Variants in PJVK observed in about 807,000 individuals in gnomAD.
PJVK encodes autosomal recessive deafness type 59 protein.
In PJVK, 33 loss-of-function variants were observed where a neutral mutation model predicts 37.6. The observed-to-expected ratio is 0.88, with a 90% CI of 0.67 to 1.17. The LOEUF (loss-of-function observed/expected upper bound fraction) is 1.17, where lower values mean the gene tolerates loss of function less well. Among genes scored for constraint, PJVK ranks in the 50% most tolerant of loss-of-function variants. The pLI is 0.00. For missense variants in PJVK, 410 were observed against 413.8 expected, an observed-to-expected ratio of 0.99 and a Z score of 0.08; for synonymous variants, 141 against 143.5, an observed-to-expected ratio of 0.98 and a Z score of 0.13.
chr2:178,460,850 A>T, intron 6 of PJVK, 132 bp from the exon 7 acceptor site: 2 of 210,394 alleles, frequency 9.5e-6, no homozygotes, highest in African/African-American at 4.8e-5. Flanking sequence ...CCCTGTCTCA[A>T]AAAAAAAAAA....
chr2:178,454,974 C>G lies in PJVK; in HGVS notation c.407+447C>G. 3 of 955,444 alleles carry G rather than the reference C, an allele frequency of 3.1e-6. No homozygotes were observed. The East Asian group carries it at 7.2e-5, about 23-fold the overall frequency. The allele number at this position is 955,444 out of a possible 1,614,324, so 59.2% of individuals were successfully genotyped here. A position where few individuals can be genotyped will look rare whatever the true frequency, so the allele number is the denominator to read the frequency against. ...CCGCTGGACCAAGACCCTGTCGGAG[C>G]TGGACCTGGCGGTCCCTTTCTGTGT... On this transcript the variant is annotated intron_variant, in intron 3 of 6. Transcript: ENST00000644580.
chr2:178,452,498 G>A, intron 1 of PJVK: 1 of 985,130 alleles, frequency 1.0e-6, no homozygotes, highest in Non-Finnish European at 1.2e-6. Flanking sequence ...CTTATTGGAA[G>A]GGCTACATAG....
rs572651226 is a variant in PJVK, at chr2:178,461,653, C to G, written c.*379C>G. On this transcript the variant is annotated 3_prime_UTR_variant, in exon 7 of 7. Transcript: ENST00000644580. ...AGGCTGGAGTACAGTGGCATGATCTCAGCTCACTGCAACCTCTGCCTCCTG... is the reference window on the plus strand; with the variant it reads ...AGGCTGGAGTACAGTGGCATGATCTGAGCTCACTGCAACCTCTGCCTCCTG... Among the ~76,000 whole-genome samples the G allele has an allele frequency of 7.0e-6, 1 of 142,736 alleles. No individual in the cohort carries two copies. The highest frequency in any genetic ancestry group is 2.7e-5 in the African/African-American group (1 of 37,456). The allele number at this position is 142,736 out of a possible 152,430, so 93.6% of individuals were successfully genotyped here. A position where few individuals can be genotyped will look rare whatever the true frequency, so the allele number is the denominator to read the frequency against.
Position 178,453,496 on chromosome 2 carries a change from C to A in PJVK, c.87C>A (p.Asp29Glu), listed in dbSNP as rs201772080. The A allele has an allele frequency of 1.4e-4, 222 of 1,614,106 alleles. No homozygotes were observed. In the African/African-American group the frequency reaches 2.6e-3, roughly 19 times the overall value. Residue 29 changes from aspartate (D) to glutamate (E), a missense_variant, in exon 2 of 7, where the codon GAC (aspartate) becomes GAA (glutamate). Asp to Glu is a conservative substitution (Grantham distance 45, BLOSUM62 2). Coordinates refer to ENST00000644580, the MANE Select transcript of PJVK (RefSeq NM_001042702.5). Reference sequence around the variant, plus strand: ...CTGTTCCAAGCCTCAGTGAAGCTGACAAATATCAACCTCTAAGTCTGGTGG... The same window carrying A: ...CTGTTCCAAGCCTCAGTGAAGCTGAAAAATATCAACCTCTAAGTCTGGTGG... ...LVPVPSLSEA[D>E]KYQPLSLVVK...
At chr2:178,455,194 G>A in intron 3 of PJVK, 1 of 1,586,778 alleles carries the variant, frequency 6.3e-7, no homozygotes, top group Non-Finnish European at 8.6e-7. Flanking sequence ...TGGAGTGGTG[G>A]AGCCGCTTGG....
Position 178,451,735 on chromosome 2 carries a change from G to A in PJVK, c.-57G>A, listed in dbSNP as rs1486740483. 4.1e-6 allele frequency: 4 copies of A among 983,916 alleles called. No homozygotes were observed. Among genetic ancestry groups the A allele is most frequent in the Non-Finnish European group, 4.8e-6 (4 of 828,704 alleles). 60.9% of individuals were successfully genotyped at this position (983,916 alleles called of 1,614,324 possible). On this transcript the variant is annotated 5_prime_UTR_variant, in exon 1 of 7. Coordinates refer to ENST00000644580, the MANE Select transcript of PJVK (RefSeq NM_001042702.5). The stretch of plus-strand genomic sequence containing the variant: ...CCTCTCCCGCCGGGCGGGCTCCTTT[G>A]TCTTCTGGGCTTTCGTCGCGAGATG...
rs1376038344 is a variant in PJVK at position 178,460,441 on chromosome 2, AAAG to A, written c.765_766+1del. On this transcript the variant is annotated inframe_deletion and splice_region_variant, in exon 6 of 7. Coordinates refer to ENST00000644580, the MANE Select transcript of PJVK (RefSeq NM_001042702.5). ...TACAGGTTGAGAAATATCCTATTTGAAAGAAGTATGTTTATTGAAGAGTACTGT... is the reference window on the plus strand; with the variant it reads ...TACAGGTTGAGAAATATCCTATTTGAAAGTATGTTTATTGAAGAGTACTGT... 6.2e-7 allele frequency: 1 copy of A among 1,613,708 alleles called. No homozygotes were observed. Among genetic ancestry groups the A allele is most frequent in the Non-Finnish European group, 8.5e-7 (1 of 1,179,612 alleles).
At chr2:178,460,772 G>A (rs887311071) in intron 6 of PJVK, among the ~76,000 whole-genome samples, 4 of 150,188 alleles carry the variant, frequency 2.7e-5, no homozygotes, top group African/African-American at 7.4e-5. Context: ...TCACTTGAGC[G>A]TGGGAGGCGG....
intron 3 of PJVK, 173 bp downstream of exon 3, chr2:178,454,700 A>G (rs1316387458): frequency 6.6e-7 from 1 of 1,509,938 alleles, no homozygotes; most frequent in Non-Finnish European, 9.0e-7. Flanking sequence ...GATAGATATC[A>G]AAAATCACTT....
chr2:178,458,733 A>G (rs550651487), intron 5 of PJVK, 106 bp downstream of exon 5: 2 of 963,186 alleles, frequency 2.1e-6, no homozygotes, highest in Admixed American at 1.7e-5. Flanking sequence ...GTGTCTAACA[A>G]TTATAGAAGA....
intron 1 of PJVK, chr2:178,452,417 C>T: frequency 1.0e-6 from 1 of 985,132 alleles, no homozygotes; most frequent in Middle Eastern, 5.2e-4. Context: ...TAATTAGAGC[C>T]TATTCTCTCT....
chr2:178,451,990 ATAT>A (rs922733361), intron 1 of PJVK: 3 of 489,952 alleles, frequency 6.1e-6, no homozygotes, highest in South Asian at 8.6e-5. Flanking sequence ...GTACGAAAGG[ATAT>A]TATTAAAAGT....
rs1684504740 is a variant in PJVK, at chr2:178,461,435, TATAAC to T, written c.*163_*167del. The T allele has an allele frequency of 2.8e-6, 2 of 702,520 alleles. No individual in the cohort carries two copies. Among genetic ancestry groups the T allele is most frequent in the Non-Finnish European group, 4.7e-6 (2 of 425,050 alleles). 43.5% of individuals were successfully genotyped at this position (702,520 alleles called of 1,614,324 possible). A position where few individuals can be genotyped will look rare whatever the true frequency, so the allele number is the denominator to read the frequency against. Reference sequence around the variant, plus strand: ...TATTCCCTATCTATAAAGTAGCAATTATAACAGTAGTGTCTATTTCTTAAGTTGTC... The same window carrying T: ...TATTCCCTATCTATAAAGTAGCAATTAGTAGTGTCTATTTCTTAAGTTGTC... On this transcript the variant is annotated 3_prime_UTR_variant, in exon 7 of 7. Coordinates refer to ENST00000644580, the MANE Select transcript of PJVK (RefSeq NM_001042702.5).
At chr2:178,456,663 A>G (rs1343985325) in intron 4 of PJVK, among the ~76,000 whole-genome samples, 2 of 152,160 alleles carry the variant, frequency 1.3e-5, no homozygotes, top group African/African-American at 4.8e-5. Context: ...GCCACTCAGG[A>G]AGCTGAGGCA....
In PJVK at chr2:178,461,530, C is replaced by A; in HGVS notation, c.*256C>A. 2 of 387,384 alleles carry A rather than the reference C, an allele frequency of 5.2e-6. No homozygotes were observed. Among genetic ancestry groups the A allele is most frequent in the Non-Finnish European group, 9.5e-6 (2 of 211,580 alleles). The allele number at this position is 387,384 out of a possible 1,614,324, so 24.0% of individuals were successfully genotyped here. ...CATATAAAATTCAGAGATTATGAAT[C>A]ATGCCAGTCACTTTAGAATCATTTT... On this transcript the variant is annotated 3_prime_UTR_variant, in exon 7 of 7. Transcript: ENST00000644580.
At chr2:178,455,262 C>G (rs1683973405) in intron 3 of PJVK, 1 of 1,475,032 alleles carries the variant, frequency 6.8e-7, no homozygotes, top group Admixed American at 1.7e-5. Flanking sequence ...TCCAAGCTGT[C>G]AGACCTGGAC....
chr2:178,458,678 T>G, intron 5 of PJVK, 51 bp downstream of exon 5: 1 of 1,333,532 alleles, frequency 7.5e-7, no homozygotes, highest in Non-Finnish European at 1.1e-6. Context: ...TTAAGGAGCA[T>G]TCATTAGGGC....
intron 6 of PJVK, 141 bp from the exon 7 acceptor site, chr2:178,460,841 C>G (rs1684452396): frequency 1.3e-6 from 1 of 786,080 alleles, no homozygotes. Context: ...AGAGCCAGAC[C>G]CTGTCTCAAA....
intron 4 of PJVK, among the ~76,000 whole-genome samples, chr2:178,457,659 C>G (rs1684212186): frequency 2.0e-5 from 3 of 152,200 alleles, no homozygotes; most frequent in Admixed American, 2.0e-4. Flanking sequence ...CTGGGGCCAG[C>G]AGCCATCCAA....
Sources: allele counts gnomAD v4.1 joint callset (sites outside exome capture counted in the v4.1 genomes callset), GRCh38; gene constraint gnomAD v4.1.1; transcripts MANE v1.5; gene names NCBI Gene and HGNC (gene_info 2026-07-23, HGNC 2026-07-21).